GBE1: variants seen among roughly 807,000 people sequenced by gnomAD.
GBE1 encodes 1,4-alpha-glucan-branching enzyme.
In GBE1, 70 loss-of-function variants were observed where a neutral mutation model predicts 88.8. The ratio of observed to expected loss-of-function variants is 0.79; its 90% CI spans 0.65 to 0.96. GBE1 has a LOEUF of 0.96. Ranked by LOEUF, GBE1 falls within the 40% of genes least tolerant of loss-of-function variation. The probability of loss-of-function intolerance (pLI) is 0.00; values close to 1 mark genes in which losing one functional copy is unlikely to be tolerated. For missense variants in GBE1, 872 were observed against 871.0 expected (o/e 1.00, Z -0.01); for synonymous variants, 284 against 300.1 (o/e 0.95, Z 0.56).
intron 12 of GBE1, among the ~76,000 whole-genome samples, chr3:81,573,216 G>C (rs1372258764): frequency 6.6e-6 from 1 of 151,988 alleles, no homozygotes; most frequent in African/African-American, 2.4e-5. Flanking sequence ...AATCAGAATG[G>C]CATGTAAATT....
intron 14 of GBE1, among the ~76,000 whole-genome samples, chr3:81,503,439 T>A (rs1702615703): frequency 2.0e-5 from 3 of 152,044 alleles, no homozygotes; most frequent in African/African-American, 7.2e-5. Flanking sequence ...AAAAAAAAAA[T>A]TAACCCGGAG....
chr3:81,535,850 T>TC, intron 13 of GBE1, among the ~76,000 whole-genome samples: 1 of 152,216 alleles, frequency 6.6e-6, no homozygotes, highest in Non-Finnish European at 1.5e-5. Context: ...TACTTTTTTT[T>TC]CTTAATAAAA....
At chr3:81,540,171 T>C (rs1367593971) in intron 12 of GBE1, among the ~76,000 whole-genome samples, 1 of 151,988 alleles carries the variant, frequency 6.6e-6, no homozygotes, top group African/African-American at 2.4e-5. Context: ...ACTTGCTACA[T>C]GATCTCCCCT....
chr3:81,680,835 T>C (rs1705330866), intron 2 of GBE1, among the ~76,000 whole-genome samples: 1 of 152,236 alleles, frequency 6.6e-6, no homozygotes, highest in Non-Finnish European at 1.5e-5. Context: ...GAGAATACAC[T>C]GTGAGAAGAC....
At chr3:81,696,477 G>A (rs1464643194) in intron 2 of GBE1, among the ~76,000 whole-genome samples, 2 of 152,160 alleles carry the variant, frequency 1.3e-5, no homozygotes, top group Non-Finnish European at 2.9e-5. Context: ...TTGTGATCAC[G>A]ATACAAAAAA....
At chr3:81,736,208 G>T (rs1353469743) in intron 1 of GBE1, among the ~76,000 whole-genome samples, 1 of 152,134 alleles carries the variant, frequency 6.6e-6, no homozygotes, top group Non-Finnish European at 1.5e-5. Flanking sequence ...ATCTCAGAAG[G>T]GTTGGAGTGA....
chr3:81,578,240 A>C, intron 11 of GBE1, 144 bp from the exon 12 acceptor site: 1 of 620,606 alleles, frequency 1.6e-6, no homozygotes, highest in Non-Finnish European at 2.6e-6. Flanking sequence ...GGTATTTTCC[A>C]CTGGTGATTT....
At chr3:81,490,864 T>A (rs1053622196) in intron 15 of GBE1, among the ~76,000 whole-genome samples, 22 of 152,010 alleles carry the variant, frequency 1.4e-4, no homozygotes, top group African/African-American at 5.1e-4. Context: ...TTATTTTTAA[T>A]CTTGTTTTTT....
intron 1 of GBE1, among the ~76,000 whole-genome samples, chr3:81,750,452 A>G (rs1706480488): frequency 6.8e-6 from 1 of 146,564 alleles, no homozygotes; most frequent in African/African-American, 2.6e-5. Flanking sequence ...AAAACTGACC[A>G]TTTTTTCATG....
At chr3:81,531,530 C>T (rs1703011423) in intron 14 of GBE1, among the ~76,000 whole-genome samples, 1 of 151,882 alleles carries the variant, frequency 6.6e-6, no homozygotes, top group Admixed American at 6.6e-5. Context: ...AAGTGTTCCT[C>T]CGTCATTAAT....
intron 12 of GBE1, among the ~76,000 whole-genome samples, chr3:81,544,436 G>A (rs1429161371): frequency 6.6e-6 from 1 of 152,096 alleles, no homozygotes; most frequent in Non-Finnish European, 1.5e-5. Context: ...GATTCAAAAT[G>A]AAGAGAGGAT....
At chr3:81,556,195 C>T (rs1198215276) in intron 12 of GBE1, among the ~76,000 whole-genome samples, 2 of 151,948 alleles carry the variant, frequency 1.3e-5, no homozygotes, top group Non-Finnish European at 2.9e-5. Flanking sequence ...ATAAAATATG[C>T]TATTATCACA....
intron 7 of GBE1, chr3:81,612,845 G>T (rs550188512): frequency 2.2e-4 from 93 of 417,772 alleles, no homozygotes; most frequent in African/African-American, 1.8e-3. Context: ...GTGTGGATGA[G>T]TTAGGAGAGT....
At position 81,722,896 on chromosome 3, in the gene GBE1, G is replaced by GTGTA. The variant is rs756121951; in HGVS notation, c.144-17284_144-17283insTACA. On this transcript the variant is annotated intron_variant, in intron 1 of 15. Coordinates refer to ENST00000429644, the MANE Select transcript of GBE1 (RefSeq NM_000158.4). ...CACACACACGTGTGTGTGTGTGTGT[G>GTGTA]TATATATATATATATATATACACAC... Among the ~76,000 whole-genome samples the GTGTA allele has an allele frequency of 9.3e-3, 1,259 of 135,286 alleles. 23 individuals are homozygous for GTGTA. Among genetic ancestry groups the GTGTA allele is most frequent in the African/African-American group, 0.033 (1,192 of 36,372 alleles). The allele number at this position is 135,286 out of a possible 152,430, so 88.8% of individuals were successfully genotyped here. A position where few individuals can be genotyped will look rare whatever the true frequency, so the allele number is the denominator to read the frequency against.
chr3:81,601,894 G>A (rs1425800456), intron 7 of GBE1, among the ~76,000 whole-genome samples: 3 of 152,014 alleles, frequency 2.0e-5, no homozygotes, highest in Non-Finnish European at 4.4e-5. Flanking sequence ...TTTGTACCAG[G>A]CACAATGCCA....
chr3:81,665,263 G>C (rs1230462819), intron 3 of GBE1, among the ~76,000 whole-genome samples: 1 of 152,098 alleles, frequency 6.6e-6, no homozygotes, highest in Non-Finnish European at 1.5e-5. Flanking sequence ...GCCGGGCGTG[G>C]TGGCTCACGC....
chr3:81,610,400 G>A (rs1704162703), intron 7 of GBE1, among the ~76,000 whole-genome samples: 1 of 152,128 alleles, frequency 6.6e-6, no homozygotes, highest in South Asian at 2.1e-4. Flanking sequence ...ATATGTTCTT[G>A]TGAATAAAAT....
At chr3:81,648,121 C>A (rs993073240) in intron 5 of GBE1, among the ~76,000 whole-genome samples, 1 of 152,160 alleles carries the variant, frequency 6.6e-6, no homozygotes, top group South Asian at 2.1e-4. Flanking sequence ...AAAACTTTAA[C>A]CATGCCTTAC....
chr3:81,668,215 G>C (rs930491501), intron 3 of GBE1, among the ~76,000 whole-genome samples: 2 of 152,086 alleles, frequency 1.3e-5, no homozygotes, highest in Admixed American at 6.5e-5. Context: ...GGCCTGTTGT[G>C]GGGTGGGGGT....
Sources: allele counts gnomAD v4.1 joint callset (sites outside exome capture counted in the v4.1 genomes callset), GRCh38; gene constraint gnomAD v4.1.1; transcripts MANE v1.5; gene names NCBI Gene and HGNC (gene_info 2026-07-23, HGNC 2026-07-21).